Variants in PPP2R2B observed in about 807,000 individuals in gnomAD.
PPP2R2B encodes the protein serine/threonine-protein phosphatase 2A 55 kDa regulatory subunit B beta isoform.
A neutral mutation model predicts 46.0 loss-of-function variants in PPP2R2B; 5 were observed. The observed-to-expected ratio is 0.11, with a 90% CI of 0.06 to 0.23. The LOEUF (loss-of-function observed/expected upper bound fraction) is 0.23. Ranked by LOEUF, PPP2R2B falls within the 10% of genes least tolerant of loss-of-function variation. The pLI, the probability that PPP2R2B is intolerant of heterozygous loss-of-function variation, is 1.00. For missense variants in PPP2R2B, 367 were observed against 575.0 expected (o/e 0.64, Z 3.70); for synonymous variants, 215 against 206.7 (o/e 1.04, Z -0.34).
At chr5:146,841,137 T>C (rs1759613958) in intron 2 of PPP2R2B, among the ~76,000 whole-genome samples, 1 of 152,088 alleles carries the variant, frequency 6.6e-6, no homozygotes, top group African/African-American at 2.4e-5. Flanking sequence ...ATGCCTTCTA[T>C]TATTCCTGTG....
At chr5:146,712,410 T>C (rs1780262813) in intron 2 of PPP2R2B, among the ~76,000 whole-genome samples, 1 of 152,302 alleles carries the variant, frequency 6.6e-6, no homozygotes, top group East Asian at 1.9e-4. Context: ...CTAGTGTTGA[T>C]TTTCATCAGC....
chr5:146,955,774 C>CTTTTTTTTTT (rs5872000), intron 1 of PPP2R2B, among the ~76,000 whole-genome samples: 2 of 115,658 alleles, frequency 1.7e-5, no homozygotes, highest in African/African-American at 3.4e-5. Context: ...CTTTCTATTA[C>CTTTTTTTTTT]TTTTTTTTTT....
In PPP2R2B at chr5:146,585,347, C is replaced by G. The variant is rs1217363506; in HGVS notation, c.*4600G>C. ...TGGATAAGAACTTTAACTAAAACTGCCTGGCTTTGTCACTTGTGAACTGTG... is the reference window on the plus strand; with the variant it reads ...TGGATAAGAACTTTAACTAAAACTGGCTGGCTTTGTCACTTGTGAACTGTG... On this transcript the variant is annotated 3_prime_UTR_variant, in exon 10 of 10. Transcript: ENST00000394411. 1 of 149,436 alleles carries G rather than the reference C, an allele frequency of 6.7e-6. No individual in the cohort carries two copies. Among genetic ancestry groups the G allele is most frequent in the African/African-American group, 2.5e-5 (1 of 40,462 alleles). The allele number at this position is 149,436 out of a possible 1,614,324, so 9.3% of individuals were successfully genotyped here. A position where few individuals can be genotyped will look rare whatever the true frequency, so the allele number is the denominator to read the frequency against.
chr5:146,956,851 A>C (rs1214698744), intron 1 of PPP2R2B, among the ~76,000 whole-genome samples: 2 of 152,152 alleles, frequency 1.3e-5, no homozygotes, highest in Non-Finnish European at 2.9e-5. Context: ...TTACATCTTT[A>C]CATGGTGGAA....
intron 2 of PPP2R2B, among the ~76,000 whole-genome samples, chr5:146,806,868 C>T (rs1757209234): frequency 6.6e-6 from 1 of 152,182 alleles, no homozygotes; most frequent in African/African-American, 2.4e-5. Context: ...TATAAAAGTG[C>T]CCCCGACAGG....
chr5:147,072,040 C>A, intron 2 of PPP2R2B, among the ~76,000 whole-genome samples: 1 of 152,140 alleles, frequency 6.6e-6, no homozygotes, highest in East Asian at 1.9e-4. Context: ...TCAGTGCATC[C>A]AGGGGAAGAT....
At chr5:146,692,442 T>C (rs1405204464) in intron 4 of PPP2R2B, among the ~76,000 whole-genome samples, 1 of 151,782 alleles carries the variant, frequency 6.6e-6, no homozygotes, top group African/African-American at 2.4e-5. Context: ...CCTACACCTG[T>C]CATGCAGGCC....
chr5:146,608,699 C>T (rs184218248), intron 7 of PPP2R2B, among the ~76,000 whole-genome samples: 153 of 152,198 alleles, frequency 1.0e-3, no homozygotes, highest in African/African-American at 3.6e-3. Context: ...GGAGAAGAAT[C>T]GCTTGAACCC....
At chr5:146,930,332 A>G (rs989821534) in intron 1 of PPP2R2B, among the ~76,000 whole-genome samples, 2 of 152,214 alleles carry the variant, frequency 1.3e-5, no homozygotes, top group Non-Finnish European at 2.9e-5. Flanking sequence ...AGGATTAGAT[A>G]AAAAGTCCAT....
chr5:146,599,345 C>T (rs116952840), intron 8 of PPP2R2B, among the ~76,000 whole-genome samples: 3 of 152,312 alleles, frequency 2.0e-5, no homozygotes, highest in East Asian at 3.9e-4. Context: ...TCCATCTGCA[C>T]GCTACCATCA....
upstream of PPP2R2B, among the ~76,000 whole-genome samples, chr5:146,882,971 C>T (rs753074211): frequency 2.4e-4 from 36 of 152,212 alleles, no homozygotes; most frequent in Non-Finnish European, 4.0e-4. Flanking sequence ...CCTCCCCCAA[C>T]ACTCACATAC....
chr5:147,051,707 C>A (rs983598835), intron 1 of PPP2R2B, among the ~76,000 whole-genome samples: 1 of 149,624 alleles, frequency 6.7e-6, no homozygotes, highest in East Asian at 2.0e-4. Context: ...AAGTACCAGG[C>A]AAGGTTCCTT....
At position 146,582,665 on chromosome 5, in the gene PPP2R2B, T is replaced by C. The variant is rs940803878; in HGVS notation, c.*7282A>G. Reference sequence around the variant, plus strand: ...GTGCTGTGCCTGACTTCCTTACACGTTTATTTGTTCATTCATTCAACAAAA... The same window carrying C: ...GTGCTGTGCCTGACTTCCTTACACGCTTATTTGTTCATTCATTCAACAAAA... On this transcript the variant is annotated 3_prime_UTR_variant, in exon 10 of 10. Coordinates refer to ENST00000394411, the MANE Select transcript of PPP2R2B (RefSeq NM_181675.4). 1.3e-5 allele frequency: 2 copies of C among 152,224 alleles called. No individual in the cohort carries two copies. The highest frequency in any genetic ancestry group is 1.3e-4 in the Admixed American group (2 of 15,280). The allele number at this position is 152,224 out of a possible 1,614,324, so 9.4% of individuals were successfully genotyped here.
upstream of PPP2R2B, among the ~76,000 whole-genome samples, chr5:147,056,991 G>T (rs1342188640): frequency 6.6e-6 from 1 of 152,136 alleles, no homozygotes; most frequent in Non-Finnish European, 1.5e-5. Flanking sequence ...CCCTGAGAAA[G>T]ATTTTTAAAA....
chr5:146,854,439 C>T (rs1025997519), intron 2 of PPP2R2B, among the ~76,000 whole-genome samples: 1 of 152,080 alleles, frequency 6.6e-6, no homozygotes, highest in Admixed American at 6.6e-5. Flanking sequence ...TTCAAATTCT[C>T]TCTTCTGGCT....
At chr5:146,832,117 TACAAA>T (rs1290282931) in intron 2 of PPP2R2B, among the ~76,000 whole-genome samples, 1 of 152,204 alleles carries the variant, frequency 6.6e-6, no homozygotes, top group African/African-American at 2.4e-5. Flanking sequence ...TAAATGTTAT[TACAAA>T]ACAGTCAAAA....
chr5:146,710,413 G>A (rs1780152884), intron 2 of PPP2R2B, among the ~76,000 whole-genome samples: 1 of 152,218 alleles, frequency 6.6e-6, no homozygotes, highest in Non-Finnish European at 1.5e-5. Context: ...CCAAGGACAT[G>A]TGGGTTGATA....
chr5:146,741,597 C>T (rs1490673434), intron 2 of PPP2R2B, among the ~76,000 whole-genome samples: 2 of 152,120 alleles, frequency 1.3e-5, no homozygotes, highest in South Asian at 2.1e-4. Context: ...AGGGCGACCG[C>T]CTCTCGGGAC....
intron 4 of PPP2R2B, among the ~76,000 whole-genome samples, chr5:146,691,584 T>C (rs1778854559): frequency 6.6e-6 from 1 of 152,208 alleles, no homozygotes; most frequent in Non-Finnish European, 1.5e-5. Flanking sequence ...CTAAGAATTT[T>C]ACATGAAAAA....
Sources: allele counts gnomAD v4.1 joint callset (sites outside exome capture counted in the v4.1 genomes callset), GRCh38; gene constraint gnomAD v4.1.1; transcripts MANE v1.5; gene names NCBI Gene and HGNC (gene_info 2026-07-23, HGNC 2026-07-21).